Variants in BPTF observed in about 807,000 individuals in gnomAD.
BPTF encodes the protein bromodomain PHD finger transcription factor.
In BPTF, 18 loss-of-function variants were observed where a neutral mutation model predicts 292.5. The ratio of observed to expected loss-of-function variants is 0.06; its 90% CI spans 0.04 to 0.09. The LOEUF is 0.09. BPTF is among the 10% of genes least tolerant of loss of function. BPTF has a pLI of 1.00. For missense variants in BPTF, 2,726 were observed against 3,498.7 expected, an observed-to-expected ratio of 0.78 and a Z score of 5.57; for synonymous variants, 1,225 against 1,251.9, an observed-to-expected ratio of 0.98 and a Z score of 0.45.
At chr17:67,965,114 G>A (rs2067952366) in intron 25 of BPTF, 1 of 151,910 alleles carries the variant, frequency 6.6e-6, no homozygotes, top group African/African-American at 2.4e-5. Flanking sequence ...GGCTGAGGCG[G>A]GTGGATCACA....
chr17:67,837,331 T>A (rs2057210133), intron 1 of BPTF, among the ~76,000 whole-genome samples: 1 of 152,150 alleles, frequency 6.6e-6, no homozygotes, highest in African/African-American at 2.4e-5. Flanking sequence ...TGCATTATAG[T>A]GTGTACCATT....
At position 67,860,841 on chromosome 17, in the gene BPTF, G is replaced by A. The variant is rs1025936080; in HGVS notation, c.1437-5623G>A. Among the ~76,000 whole-genome samples the A allele has an allele frequency of 2.0e-5, 3 of 152,200 alleles. No individual in the cohort carries two copies. In the South Asian group the frequency reaches 6.2e-4, roughly 31 times the overall value. On this transcript the variant is annotated intron_variant, in intron 2 of 27. Coordinates refer to ENST00000306378, the MANE Select transcript of BPTF (RefSeq NM_182641.4). ...CCAAAGCGCTAGGATTACAACAGGC[G>A]TGGACCACCACACGCCTTTAAACAG...
chr17:67,923,039 T>A, intron 14 of BPTF, 49 bp downstream of exon 14: 1 of 1,523,862 alleles, frequency 6.6e-7, no homozygotes, highest in South Asian at 1.2e-5. Context: ...TTTTATCACT[T>A]CAGAATCAAT....
intron 26 of BPTF, among the ~76,000 whole-genome samples, chr17:67,969,011 A>C (rs1333077257): frequency 6.6e-6 from 1 of 151,034 alleles, no homozygotes; most frequent in African/African-American, 2.5e-5. Flanking sequence ...AAAATAAATA[A>C]AGAAGATAGG....
chr17:67,907,871 G>T (rs558743920), intron 9 of BPTF, among the ~76,000 whole-genome samples: 58 of 152,114 alleles, frequency 3.8e-4, no homozygotes, highest in Admixed American at 2.4e-3. Context: ...ACTTGCCCTG[G>T]TTGTCTTAGA....
chr17:67,968,989 TA>T (rs1712806981), intron 26 of BPTF, among the ~76,000 whole-genome samples: 1 of 147,734 alleles, frequency 6.8e-6, no homozygotes, highest in African/African-American at 2.5e-5. Context: ...CTCAAAAAAA[TA>T]AAAAATAAAC....
intron 3 of BPTF, among the ~76,000 whole-genome samples, chr17:67,867,441 A>G (rs1346818442): frequency 6.6e-6 from 1 of 152,228 alleles, no homozygotes; most frequent in Admixed American, 6.5e-5. Context: ...CCCTGTTATT[A>G]AAGTCTTAGA....
intron 3 of BPTF, among the ~76,000 whole-genome samples, chr17:67,874,151 T>C (rs139472191): frequency 2.0e-5 from 3 of 152,330 alleles, no homozygotes; most frequent in Admixed American, 1.3e-4. Context: ...TTAATATCCA[T>C]GAGTGCGTAC....
At chr17:67,898,064 T>C (rs1017628785) in intron 7 of BPTF, among the ~76,000 whole-genome samples, 8 of 152,190 alleles carry the variant, frequency 5.3e-5, no homozygotes, top group Non-Finnish European at 1.0e-4. Flanking sequence ...ACTAATACCA[T>C]ACTATTTTAA....
intron 25 of BPTF, among the ~76,000 whole-genome samples, chr17:67,964,817 G>C (rs186806204): frequency 2.0e-5 from 3 of 151,440 alleles, no homozygotes; most frequent in African/African-American, 7.3e-5. Flanking sequence ...GGCTAACACG[G>C]TGAAACCCCG....
chr17:67,908,288 A>G (rs1489092855), intron 9 of BPTF, among the ~76,000 whole-genome samples: 1 of 151,844 alleles, frequency 6.6e-6, no homozygotes, highest in Admixed American at 6.6e-5. Context: ...TCTCCCAAGT[A>G]GCTGGGACTA....
chr17:67,867,472 C>T (rs376556898), intron 3 of BPTF, among the ~76,000 whole-genome samples: 42 of 152,320 alleles, frequency 2.8e-4, no homozygotes, highest in African/African-American at 1.0e-3. Context: ...ATATTTGTTA[C>T]AACTAATGGA....
intron 2 of BPTF, among the ~76,000 whole-genome samples, chr17:67,862,343 A>G (rs550239359): frequency 6.6e-6 from 1 of 152,242 alleles, no homozygotes; most frequent in African/African-American, 2.4e-5. Context: ...AACTATGTAT[A>G]TGATACCCAT....
Position 67,911,926 on chromosome 17 carries a change from A to G in BPTF, c.4042A>G (p.Arg1348Gly), listed in dbSNP as rs1385398496. The G allele has an allele frequency of 6.2e-7, 1 of 1,614,142 alleles. No individual in the cohort carries two copies. Among genetic ancestry groups the G allele is most frequent in the South Asian group, 1.1e-5 (1 of 91,034 alleles). Residue 1348 changes from arginine (R) to glycine (G), a missense_variant, in exon 11 of 28, where the codon AGG (arginine) becomes GGG (glycine). This residue lies in a region of BPTF where 713 missense variants were observed against 714.9 expected (regional missense o/e 1.00). Transcript: ENST00000306378. ...SGESTGNCED[R>G]LPVKGTEANG... ...TGAGTCCACTGGAAACTGTGAGGACAGGCTGCCGGTCAAGGGGACTGAAGC... is the reference window on the plus strand; with the variant it reads ...TGAGTCCACTGGAAACTGTGAGGACGGGCTGCCGGTCAAGGGGACTGAAGC...
intron 27 of BPTF, among the ~76,000 whole-genome samples, chr17:67,977,498 G>A (rs2069645720): frequency 1.3e-5 from 2 of 151,438 alleles, no homozygotes; most frequent in South Asian, 2.1e-4. Flanking sequence ...CTTGGTGTCA[G>A]AGTGAGACTC....
intron 1 of BPTF, among the ~76,000 whole-genome samples, chr17:67,848,959 A>C (rs1046745376): frequency 3.3e-5 from 5 of 152,196 alleles, no homozygotes; most frequent in African/African-American, 1.2e-4. Context: ...CATGCAGACC[A>C]CTTGACTTCC....
chr17:67,925,168 G>A (rs1401512854), intron 15 of BPTF, among the ~76,000 whole-genome samples: 3 of 151,688 alleles, frequency 2.0e-5, no homozygotes, highest in African/African-American at 7.3e-5. Flanking sequence ...ATATTTGGAG[G>A]ACATCTGAAA....
At chr17:67,919,777 A>C (rs139217597) in intron 12 of BPTF, among the ~76,000 whole-genome samples, 44 of 152,316 alleles carry the variant, frequency 2.9e-4, no homozygotes, top group African/African-American at 1.0e-3. Context: ...TATTGCCACC[A>C]GGAGCTCAGC....
At chr17:67,932,230 T>C (rs905235256) in intron 18 of BPTF, among the ~76,000 whole-genome samples, 3 of 152,188 alleles carry the variant, frequency 2.0e-5, no homozygotes, top group African/African-American at 7.2e-5. Context: ...TTATTAAAAA[T>C]GTAACAGAAA....
Sources: allele counts gnomAD v4.1 joint callset (sites outside exome capture counted in the v4.1 genomes callset), GRCh38; gene constraint gnomAD v4.1.1; regional missense constraint gnomAD v4.1.1; transcripts MANE v1.5; gene names NCBI Gene and HGNC (gene_info 2026-07-23, HGNC 2026-07-21).